SLC25A13: variants seen among roughly 807,000 people sequenced by gnomAD.
SLC25A13 encodes the protein electrogenic aspartate/glutamate antiporter SLC25A13, mitochondrial.
Under a neutral mutation model 85.5 loss-of-function variants are expected in SLC25A13, and 70 were observed. The ratio of observed to expected loss-of-function variants is 0.82; its 90% CI spans 0.68 to 1.00. SLC25A13 has a LOEUF of 1.00. Among genes scored for constraint, SLC25A13 ranks in the 50% least tolerant of loss-of-function variants. The pLI is 0.00. For synonymous variants in SLC25A13, 259 were observed against 288.7 expected, an observed-to-expected ratio of 0.90 and a Z score of 1.04; for missense variants, 765 against 819.8, an observed-to-expected ratio of 0.93 and a Z score of 0.82.
chr7:96,311,659 T>C (rs1799955752), intron 1 of SLC25A13, among the ~76,000 whole-genome samples: 1 of 152,220 alleles, frequency 6.6e-6, no homozygotes. Flanking sequence ...TCTTAGGACA[T>C]GGGTTTTAGC....
intron 14 of SLC25A13, among the ~76,000 whole-genome samples, chr7:96,146,161 C>T (rs1792778588): frequency 6.6e-6 from 1 of 152,046 alleles, no homozygotes; most frequent in African/African-American, 2.4e-5. Flanking sequence ...ACAAGGCATA[C>T]ATATATAGAG....
intron 14 of SLC25A13, among the ~76,000 whole-genome samples, chr7:96,137,393 T>C (rs1294463567): frequency 2.6e-5 from 4 of 152,244 alleles, no homozygotes; most frequent in East Asian, 1.9e-4. Context: ...CTTAATTTCA[T>C]TGCAATTCTA....
At chr7:96,170,584 A>G (rs1294519738) in intron 12 of SLC25A13, among the ~76,000 whole-genome samples, 3 of 152,228 alleles carry the variant, frequency 2.0e-5, no homozygotes, top group Admixed American at 6.5e-5. Flanking sequence ...AAGAAATTCA[A>G]TATCTAAAAA....
chr7:96,191,275 G>A, intron 6 of SLC25A13, 28 bp from the exon 7 acceptor site: 1 of 1,611,424 alleles, frequency 6.2e-7, no homozygotes, highest in Non-Finnish European at 8.5e-7. Context: ...CAAGAGAGAA[G>A]AAAAATATAC....
intron 13 of SLC25A13, among the ~76,000 whole-genome samples, chr7:96,157,803 AAAACAAACAAAC>A (rs10580228): frequency 9.3e-5 from 14 of 151,096 alleles, no homozygotes; most frequent in South Asian, 6.3e-4. Flanking sequence ...TCTATCTTGG[AAAACAAACAAAC>A]AAACAAACAA....
At position 96,220,876 on chromosome 7, in the gene SLC25A13, ACAGTTAACCTT is replaced by A. The variant is rs1183788788; in HGVS notation, c.329-11910_329-11900del. Among the ~76,000 whole-genome samples, 4 of 152,266 alleles carry A rather than the reference ACAGTTAACCTT, an allele frequency of 2.6e-5. No individual in the cohort carries two copies. In the South Asian group the frequency reaches 8.3e-4, roughly 32 times the overall value. The stretch of plus-strand genomic sequence containing the variant: ...CCACTCCCTGACAGGCTTCTAAGGA[ACAGTTAACCTT>A]CAGGCAGTAGTTAACTAAGGAGTGG... On this transcript the variant is annotated intron_variant, in intron 4 of 17. Coordinates refer to ENST00000265631, the MANE Select transcript of SLC25A13 (RefSeq NM_014251.3).
intron 3 of SLC25A13, among the ~76,000 whole-genome samples, chr7:96,263,026 GAAA>G (rs5885951): frequency 0.026 from 3,480 of 133,256 alleles, 124 homozygotes; most frequent in African/African-American, 0.091. Context: ...AACCATCTAG[GAAA>G]AAAAAAAAAA....
intron 13 of SLC25A13, among the ~76,000 whole-genome samples, chr7:96,165,651 T>C (rs935796609): frequency 6.6e-6 from 1 of 152,184 alleles, no homozygotes; most frequent in African/African-American, 2.4e-5. Flanking sequence ...AAAACAAACA[T>C]TTATACTGCT....
chr7:96,301,015 A>G (rs1450065531), intron 1 of SLC25A13, among the ~76,000 whole-genome samples: 1 of 152,214 alleles, frequency 6.6e-6, no homozygotes. Context: ...CAAAGTTACC[A>G]TGAGATGTAC....
At chr7:96,205,130 G>C (rs1184104644) in intron 5 of SLC25A13, among the ~76,000 whole-genome samples, 3 of 151,986 alleles carry the variant, frequency 2.0e-5, no homozygotes, top group Admixed American at 1.3e-4. Context: ...GGATGGTCTC[G>C]AACTCCTGAC....
intron 13 of SLC25A13, among the ~76,000 whole-genome samples, chr7:96,156,445 C>T (rs1334173422): frequency 1.3e-5 from 2 of 151,050 alleles, no homozygotes; most frequent in Non-Finnish European, 3.0e-5. Flanking sequence ...TACAGGCGCT[C>T]GCCACCATGC....
rs180828398 is a variant in SLC25A13, at chr7:96,130,910, G to A, written c.1591+833C>T. Among the ~76,000 whole-genome samples, 157 of 152,304 alleles carry A rather than the reference G, an allele frequency of 1.0e-3. 1 individual carries two copies. Among genetic ancestry groups the A allele is most frequent in the African/African-American group, 3.5e-3 (147 of 41,564 alleles). On this transcript the variant is annotated intron_variant, in intron 15 of 17. Coordinates refer to ENST00000265631, the MANE Select transcript of SLC25A13 (RefSeq NM_014251.3). ...CCAGGCTGCAGCCAGGGTAGGTGGG[G>A]TGTGCACAAAACAGCAAACAACTTC...
chr7:96,211,440 A>T (rs1795692916), intron 4 of SLC25A13, among the ~76,000 whole-genome samples: 1 of 152,206 alleles, frequency 6.6e-6, no homozygotes, highest in Non-Finnish European at 1.5e-5. Context: ...CTTCTAGAGT[A>T]TACTATACTA....
In SLC25A13 at chr7:96,127,133, A is replaced by C. The variant is rs76761671; in HGVS notation, c.1591+4610T>G. Among the ~76,000 whole-genome samples the C allele has an allele frequency of 9.9e-3, 1,505 of 152,342 alleles. 24 individuals are homozygous for C. The highest frequency in any genetic ancestry group is 0.035 in the African/African-American group (1,443 of 41,580). ...TTCCTCTATCTTATCACTCTGATAA[A>C]AATCATCTGGTATGATAGAGCATTC... On this transcript the variant is annotated intron_variant, in intron 15 of 17. Transcript: ENST00000265631.
intron 1 of SLC25A13, among the ~76,000 whole-genome samples, chr7:96,301,053 A>T (rs962966253): frequency 2.6e-5 from 4 of 152,250 alleles, no homozygotes; most frequent in Non-Finnish European, 5.9e-5. Flanking sequence ...ATTTCAATGA[A>T]TTCTACCTGG....
chr7:96,320,885 T>C (rs1246287316), intron 1 of SLC25A13, among the ~76,000 whole-genome samples: 2 of 152,218 alleles, frequency 1.3e-5, no homozygotes, highest in East Asian at 3.8e-4. Context: ...GAATATGATG[T>C]GTTGGCCATG....
At chr7:96,220,243 T>C (rs1321485660) in intron 4 of SLC25A13, among the ~76,000 whole-genome samples, 1 of 152,246 alleles carries the variant, frequency 6.6e-6, no homozygotes, top group Non-Finnish European at 1.5e-5. Context: ...TTTCCTAAGC[T>C]AGTTTCCTTA....
At chr7:96,245,463 G>A (rs961166228) in intron 3 of SLC25A13, among the ~76,000 whole-genome samples, 16 of 152,064 alleles carry the variant, frequency 1.1e-4, no homozygotes, top group African/African-American at 3.6e-4. Flanking sequence ...TAAAACTAGA[G>A]ACAAATCATA....
intron 1 of SLC25A13, among the ~76,000 whole-genome samples, chr7:96,301,927 C>T (rs1195136909): frequency 6.6e-6 from 1 of 152,028 alleles, no homozygotes; most frequent in Non-Finnish European, 1.5e-5. Context: ...CATGCCTGGC[C>T]CAGAAAGTGG....
Sources: allele counts gnomAD v4.1 joint callset (sites outside exome capture counted in the v4.1 genomes callset), GRCh38; gene constraint gnomAD v4.1.1; transcripts MANE v1.5; gene names NCBI Gene and HGNC (gene_info 2026-07-23, HGNC 2026-07-21).